The following BST1 variants were observed in gnomAD, a reference collection of about 807,000 sequenced individuals.
BST1 encodes bone marrow stromal cell antigen 1.
In BST1, 49 loss-of-function variants were observed where a neutral mutation model predicts 40.6. The ratio of observed to expected loss-of-function variants is 1.21; its 90% CI spans 0.96 to 1.53. The LOEUF (loss-of-function observed/expected upper bound fraction) is 1.53, where lower values mean the gene tolerates loss of function less well. BST1 is among the 40% of genes most tolerant of loss of function. BST1 has a pLI of 0.00. For missense variants in BST1, 423 were observed against 395.9 expected, an observed-to-expected ratio of 1.07 and a Z score of -0.58; for synonymous variants, 157 against 159.3, an observed-to-expected ratio of 0.99 and a Z score of 0.11.
chr4:15,731,495 C>A, intron 8 of BST1: 1 of 999,620 alleles, frequency 1.0e-6, no homozygotes, highest in Non-Finnish European at 1.6e-6. Flanking sequence ...GCTTGTCCTT[C>A]TGGGGAGTCA....
chr4:15,720,459 A>C (rs1024910631), intron 7 of BST1, among the ~76,000 whole-genome samples: 22 of 152,122 alleles, frequency 1.4e-4, no homozygotes, highest in African/African-American at 5.3e-4. Context: ...TCTACTAAAA[A>C]TACAAAAATT....
intron 8 of BST1, among the ~76,000 whole-genome samples, chr4:15,729,809 T>A (rs1056505603): frequency 2.0e-5 from 3 of 152,154 alleles, no homozygotes; most frequent in Non-Finnish European, 4.4e-5. Context: ...CAAAACAGCA[T>A]GTTTCTATTT....
the BST1 span, among the ~76,000 whole-genome samples, chr4:15,750,200 T>G: frequency 6.6e-6 from 1 of 152,132 alleles, no homozygotes; most frequent in Non-Finnish European, 1.5e-5. Context: ...AATTTTTGTA[T>G]TTTTAGTAGA....
chr4:15,708,318 C>T (rs970454989), intron 3 of BST1, among the ~76,000 whole-genome samples: 18 of 152,328 alleles, frequency 1.2e-4, no homozygotes, highest in Admixed American at 1.0e-3. Flanking sequence ...AAACACTCCT[C>T]ATTCATCCAA....
Position 15,703,319 on chromosome 4 carries a change from A to T in BST1, c.175A>T (p.Ser59Cys). The T allele has an allele frequency of 2.0e-6, 3 of 1,505,040 alleles. No homozygotes were observed. The highest frequency in any genetic ancestry group is 2.6e-6 in the Non-Finnish European group (3 of 1,134,038). 93.2% of individuals were successfully genotyped at this position (1,505,040 alleles called of 1,614,324 possible). A position where few individuals can be genotyped will look rare whatever the true frequency, so the allele number is the denominator to read the frequency against. Residue 59 changes from serine to cysteine, a missense_variant, in exon 1 of 9, where the codon AGT (serine) becomes TGT (cysteine). By Grantham distance (112) the Ser-to-Cys change is moderately radical (BLOSUM62 -1). Transcript: ENST00000265016. The part of the protein sequence containing the change: ...GRCAEYRALL[S>C]PEQRNKNCTA... ...CTGCGCCGAGTACCGCGCACTGCTGAGTCCCGAGCAGCGGTGAGGCAGTCG... is the reference window on the plus strand; with the variant it reads ...CTGCGCCGAGTACCGCGCACTGCTGTGTCCCGAGCAGCGGTGAGGCAGTCG...
chr4:15,762,663 T>C, the BST1 span, among the ~76,000 whole-genome samples: 1 of 151,836 alleles, frequency 6.6e-6, no homozygotes, highest in Non-Finnish European at 1.5e-5. Context: ...TTAGATTATC[T>C]GAACTTATAA....
chr4:15,771,103 A>G, the BST1 span, among the ~76,000 whole-genome samples: 1 of 152,226 alleles, frequency 6.6e-6, no homozygotes, highest in Non-Finnish European at 1.5e-5. Context: ...AATGAATATC[A>G]GAATATGCCA....
At chr4:15,735,974 GC>G (rs746975886), downstream of BST1, 79 of 839,640 alleles carry the variant, frequency 9.4e-5, no homozygotes, top group Non-Finnish European at 1.2e-4. Context: ...TAGGAAGAAG[GC>G]AAATCTCATC....
chr4:15,753,202 G>A, the BST1 span, among the ~76,000 whole-genome samples: 4 of 152,172 alleles, frequency 2.6e-5, no homozygotes, highest in South Asian at 2.1e-4. Flanking sequence ...AATACAGCAC[G>A]CTGCATTCTT....
chr4:15,734,606 A>G (rs959792097), downstream of BST1, among the ~76,000 whole-genome samples: 2 of 152,136 alleles, frequency 1.3e-5, no homozygotes, highest in African/African-American at 4.8e-5. Context: ...AAGGAAGAGA[A>G]GCTGCTAAAC....
At chr4:15,716,326 C>T (rs545779114) in intron 6 of BST1, among the ~76,000 whole-genome samples, 1 of 152,272 alleles carries the variant, frequency 6.6e-6, no homozygotes, top group East Asian at 1.9e-4. Context: ...CAGTAAAGAG[C>T]ACTGCTGGCA....
the BST1 span, among the ~76,000 whole-genome samples, chr4:15,767,526 A>T: frequency 6.6e-6 from 1 of 151,760 alleles, no homozygotes; most frequent in East Asian, 1.9e-4. Context: ...GATGGTCTCG[A>T]TCTCCTGACC....
chr4:15,760,298 G>T, the BST1 span, among the ~76,000 whole-genome samples: 2 of 151,604 alleles, frequency 1.3e-5, no homozygotes, highest in Non-Finnish European at 2.9e-5. Context: ...CCGCTGTGTG[G>T]GCATATCACA....
chr4:15,703,741 A>T (rs1415142461), intron 1 of BST1, among the ~76,000 whole-genome samples: 1 of 121,930 alleles, frequency 8.2e-6, no homozygotes, highest in Non-Finnish European at 1.7e-5. Flanking sequence ...TGTGTGCTCT[A>T]GAGGTGAGGG....
At chr4:15,728,200 T>G (rs954491647) in intron 8 of BST1, among the ~76,000 whole-genome samples, 1 of 152,118 alleles carries the variant, frequency 6.6e-6, no homozygotes, top group African/African-American at 2.4e-5. Context: ...ACAGGACTAC[T>G]CATCTCTACT....
chr4:15,770,349 G>T, the BST1 span, among the ~76,000 whole-genome samples: 9 of 152,010 alleles, frequency 5.9e-5, no homozygotes, highest in South Asian at 1.9e-3. Context: ...CCTCCTTTTT[G>T]CAAACCTTGC....
At chr4:15,705,092 C>A (rs770114297) in intron 1 of BST1, 20 of 685,694 alleles carry the variant, frequency 2.9e-5, no homozygotes, top group Middle Eastern at 2.3e-4. Flanking sequence ...AGCATTGGGC[C>A]TCCCTCCTAA....
At chr4:15,765,298 A>G in the BST1 span, among the ~76,000 whole-genome samples, 1 of 151,942 alleles carries the variant, frequency 6.6e-6, no homozygotes, top group Non-Finnish European at 1.5e-5. Flanking sequence ...TCTTTACTCT[A>G]TCGGCAAATC....
the BST1 span, among the ~76,000 whole-genome samples, chr4:15,766,389 G>A: frequency 6.6e-6 from 1 of 151,892 alleles, no homozygotes; most frequent in South Asian, 2.1e-4. Context: ...TCAGACCTAA[G>A]GGAGGATGTG....
Sources: allele counts gnomAD v4.1 joint callset (sites outside exome capture counted in the v4.1 genomes callset), GRCh38; gene constraint gnomAD v4.1.1; transcripts MANE v1.5; gene names NCBI Gene and HGNC (gene_info 2026-07-23, HGNC 2026-07-21).